The following CDYL2 variants were observed in gnomAD, a reference collection of about 807,000 sequenced individuals.
The protein encoded by CDYL2 is chromodomain Y like 2.
In CDYL2, 23 loss-of-function variants were observed where a neutral mutation model predicts 49.4. The observed-to-expected ratio is 0.47, with a 90% CI of 0.34 to 0.66. The LOEUF (loss-of-function observed/expected upper bound fraction) is 0.66. Ranked by LOEUF, CDYL2 falls within the 30% of genes least tolerant of loss-of-function variation. The pLI is 0.01. For synonymous variants in CDYL2, 360 were observed against 268.8 expected (o/e 1.34, Z -3.32); for missense variants, 678 against 656.4 (o/e 1.03, Z -0.36).
chr16:80,784,911 G>A (rs1257854363), intron 1 of CDYL2, among the ~76,000 whole-genome samples: 1 of 152,136 alleles, frequency 6.6e-6, no homozygotes, highest in African/African-American at 2.4e-5. Flanking sequence ...AGGGTAAGAG[G>A]ACACCAGGCA....
chr16:80,638,147 T>C (rs1024291724), intron 2 of CDYL2, among the ~76,000 whole-genome samples: 3 of 152,096 alleles, frequency 2.0e-5, no homozygotes, highest in Admixed American at 1.3e-4. Context: ...CTATCACAGC[T>C]CACTGCAGCC....
At chr16:80,670,163 C>T (rs536384020) in intron 2 of CDYL2, among the ~76,000 whole-genome samples, 14 of 152,334 alleles carry the variant, frequency 9.2e-5, no homozygotes, top group African/African-American at 3.1e-4. Flanking sequence ...GACAAACCCT[C>T]ACATGAAACA....
intron 1 of CDYL2, among the ~76,000 whole-genome samples, chr16:80,692,588 C>T (rs1597178268): frequency 6.6e-6 from 1 of 152,120 alleles, no homozygotes; most frequent in Admixed American, 6.5e-5. Flanking sequence ...CAAATAAATA[C>T]CTGGAGTTGA....
rs187745628 is a variant in CDYL2 at position 80,684,656 on chromosome 16, A to T, written c.498T>A (p.Asp166Glu). The change falls in exon 2 of 7, where the codon GAT becomes GAA. Residue 166 changes from aspartate (D) to glutamate (E), a missense_variant. Physicochemically the swap from Asp to Glu is conservative, Grantham distance 45. This residue lies in a region of CDYL2 where 478 missense variants were observed against 427.0 expected (regional missense o/e 1.12). Coordinates refer to ENST00000570137, the MANE Select transcript of CDYL2 (RefSeq NM_152342.4). The part of the protein sequence containing the change: ...MENGDAGSEK[D>E]ERHFGNGSHQ... ...GGGACCCATTTCCAAAGTGCCTCTC[A>T]TCCTTCTCAGAGCCGGCGTCCCCAT... 6 of 1,614,150 alleles carry T rather than the reference A, an allele frequency of 3.7e-6. No homozygotes were observed. The East Asian group carries it at 1.3e-4, about 36-fold the overall frequency.
intron 4 of CDYL2, among the ~76,000 whole-genome samples, chr16:80,617,080 C>T (rs191771748): frequency 1.3e-5 from 2 of 152,362 alleles, no homozygotes; most frequent in African/African-American, 2.4e-5. Context: ...TCAGAGGAGG[C>T]AGACTCTTTT....
chr16:80,679,071 A>T (rs1597168077), intron 2 of CDYL2, among the ~76,000 whole-genome samples: 1 of 131,552 alleles, frequency 7.6e-6, no homozygotes, highest in East Asian at 2.3e-4. Context: ...ATGAGAACAC[A>T]TGGACACAGG....
chr16:80,610,239 G>C (rs77863998), intron 5 of CDYL2, among the ~76,000 whole-genome samples: 6,510 of 152,256 alleles, frequency 0.043, 465 homozygotes, highest in African/African-American at 0.15. Context: ...ATGGGGGATG[G>C]AACTGCAAAG....
At chr16:80,746,125 G>C (rs1438940929) in intron 1 of CDYL2, among the ~76,000 whole-genome samples, 1 of 148,204 alleles carries the variant, frequency 6.7e-6, no homozygotes, top group Non-Finnish European at 1.5e-5. Flanking sequence ...TTCTCCCCTG[G>C]GCTCCAACAG....
chr16:80,797,289 C>A (rs1056307295), intron 1 of CDYL2, among the ~76,000 whole-genome samples: 1 of 152,214 alleles, frequency 6.6e-6, no homozygotes, highest in Non-Finnish European at 1.5e-5. Context: ...TCCCTCCAAC[C>A]AATGCTCATC....
chr16:80,739,117 C>T lies in CDYL2; in HGVS notation c.25-53988G>A, dbSNP rs190338226. ...TGACATATACTTCAATATGGATGAACGCTGAGGACGTCACGCTGAATGAAA... is the reference window on the plus strand; with the variant it reads ...TGACATATACTTCAATATGGATGAATGCTGAGGACGTCACGCTGAATGAAA... On this transcript the variant is annotated intron_variant, in intron 1 of 6. Transcript: ENST00000570137. Among the ~76,000 whole-genome samples the T allele has an allele frequency of 1.8e-4, 28 of 152,246 alleles. No individual in the cohort carries two copies. In the East Asian group the frequency reaches 3.3e-3, roughly 18 times the overall value.
intron 1 of CDYL2, among the ~76,000 whole-genome samples, chr16:80,752,736 C>T (rs1906178505): frequency 6.6e-6 from 1 of 152,216 alleles, no homozygotes; most frequent in South Asian, 2.1e-4. Flanking sequence ...CGGGAAAGCT[C>T]TGTCAGTGTT....
At chr16:80,769,963 T>C (rs2142393162) in intron 1 of CDYL2, among the ~76,000 whole-genome samples, 1 of 152,272 alleles carries the variant, frequency 6.6e-6, no homozygotes, top group African/African-American at 2.4e-5. Flanking sequence ...TGAAATGGAT[T>C]TTTCTGCTCA....
chr16:80,729,845 A>G (rs956751384), intron 1 of CDYL2, among the ~76,000 whole-genome samples: 3 of 152,202 alleles, frequency 2.0e-5, no homozygotes, highest in African/African-American at 7.2e-5. Flanking sequence ...CTGCTCCTAA[A>G]TGACTACTGG....
chr16:80,748,827 C>T (rs1228830280), intron 1 of CDYL2, among the ~76,000 whole-genome samples: 3 of 151,998 alleles, frequency 2.0e-5, no homozygotes, highest in Non-Finnish European at 4.4e-5. Context: ...ATTCCCAGTT[C>T]TGTCATGAGA....
At chr16:80,635,636 G>A (rs538553136) in intron 2 of CDYL2, among the ~76,000 whole-genome samples, 3 of 152,260 alleles carry the variant, frequency 2.0e-5, no homozygotes, top group Admixed American at 2.0e-4. Flanking sequence ...TGGCCCTACT[G>A]CTCAAAGTAA....
At chr16:80,778,816 G>C (rs1907173653) in intron 1 of CDYL2, among the ~76,000 whole-genome samples, 1 of 151,960 alleles carries the variant, frequency 6.6e-6, no homozygotes, top group Non-Finnish European at 1.5e-5. Flanking sequence ...AGAATGCCTG[G>C]AAACAAACTC....
chr16:80,699,312 C>T (rs1161565460), intron 1 of CDYL2, among the ~76,000 whole-genome samples: 2 of 152,178 alleles, frequency 1.3e-5, no homozygotes, highest in Non-Finnish European at 2.9e-5. Context: ...TATTTATATA[C>T]AATGCAATAC....
Position 80,759,333 on chromosome 16 carries a change from T to C in CDYL2, c.24+44817A>G, listed in dbSNP as rs187943364. Among the ~76,000 whole-genome samples, 986 of 151,756 alleles carry C rather than the reference T, an allele frequency of 6.5e-3. 18 individuals are homozygous for C. The highest frequency in any genetic ancestry group is 0.022 in the African/African-American group (915 of 41,336). On this transcript the variant is annotated intron_variant, in intron 1 of 6. Transcript: ENST00000570137. ...AGTGAATGGAGATGACACTTGAAAT[T>C]TGAAAAAAGGTTAATGTTTTAAAAA...
At chr16:80,739,694 C>T (rs551397918) in intron 1 of CDYL2, among the ~76,000 whole-genome samples, 1 of 152,268 alleles carries the variant, frequency 6.6e-6, no homozygotes, top group African/African-American at 2.4e-5. Context: ...GAACAAGACG[C>T]ACCAGCTCAG....
Sources: gnomAD v4.1 joint callset for allele counts (sites outside exome capture counted in the v4.1 genomes callset) on GRCh38, gnomAD v4.1.1 for gene constraint, gnomAD v4.1.1 regional missense constraint, MANE v1.5 for transcripts, NCBI Gene and HGNC (gene_info 2026-07-23, HGNC 2026-07-21) for gene names.